PCNX2: variants seen among roughly 807,000 people sequenced by gnomAD.
The protein encoded by PCNX2 is pecanex 2, also known as pecanex-like protein 2.
Under a neutral mutation model 223.8 loss-of-function variants are expected in PCNX2, and 168 were observed. That is an observed-to-expected ratio of 0.75 (90% CI 0.66 to 0.85). The LOEUF (loss-of-function observed/expected upper bound fraction) is 0.85, where lower values mean the gene tolerates loss of function less well. Among genes scored for constraint, PCNX2 ranks in the 40% least tolerant of loss-of-function variants. The pLI is 0.00. For missense variants in PCNX2, 2,507 were observed against 2,675.5 expected (o/e 0.94, Z 1.39); for synonymous variants, 1,006 against 1,052.6 (o/e 0.96, Z 0.86).
At chr1:233,262,807 T>C (rs1048707775) in intron 2 of PCNX2, 151 bp downstream of exon 2, 4 of 729,408 alleles carry the variant, frequency 5.5e-6, no homozygotes, top group Non-Finnish European at 6.6e-6. Flanking sequence ...TGAATATCAA[T>C]TTTATGCTTA....
intron 9 of PCNX2, among the ~76,000 whole-genome samples, chr1:233,235,985 T>TATATATATATATAA (rs1265599637): frequency 1.4e-5 from 2 of 143,630 alleles, no homozygotes; most frequent in African/African-American, 5.1e-5. Context: ...TATATATATA[T>TATATATATATATAA]AATTATATTA....
chr1:233,097,518 G>C (rs892176224), intron 21 of PCNX2, among the ~76,000 whole-genome samples: 3 of 152,092 alleles, frequency 2.0e-5, no homozygotes, highest in Non-Finnish European at 4.4e-5. Flanking sequence ...GATTGATCTC[G>C]ATTGGTTTCC....
intron 23 of PCNX2, among the ~76,000 whole-genome samples, chr1:233,075,770 G>A (rs930266246): frequency 6.7e-6 from 1 of 150,034 alleles, no homozygotes; most frequent in African/African-American, 2.5e-5. Flanking sequence ...GCAAATAGCA[G>A]GCCTGAACAT....
intron 10 of PCNX2, among the ~76,000 whole-genome samples, chr1:233,220,190 G>T (rs1657281038): frequency 1.3e-5 from 2 of 152,098 alleles, no homozygotes; most frequent in South Asian, 4.1e-4. Flanking sequence ...CCTTTTGATG[G>T]ATATCTTGAT....
At chr1:233,170,231 G>T (rs1001715304) in intron 17 of PCNX2, among the ~76,000 whole-genome samples, 27 of 152,154 alleles carry the variant, frequency 1.8e-4, no homozygotes, top group Non-Finnish European at 1.3e-4. Flanking sequence ...TTAAACTTTT[G>T]TCCAAAATGT....
At chr1:233,209,550 T>G (rs1681707553) in intron 12 of PCNX2, among the ~76,000 whole-genome samples, 1 of 152,172 alleles carries the variant, frequency 6.6e-6, no homozygotes, top group Non-Finnish European at 1.5e-5. Flanking sequence ...AGGATTAAAG[T>G]GATATGGTTT....
At chr1:233,284,210 T>C (rs766770977) in intron 1 of PCNX2, among the ~76,000 whole-genome samples, 1 of 152,156 alleles carries the variant, frequency 6.6e-6, no homozygotes, top group Non-Finnish European at 1.5e-5. Flanking sequence ...GACAATACCA[T>C]CATATGAATA....
At chr1:233,250,443 C>A in intron 8 of PCNX2, 1 of 609,264 alleles carries the variant, frequency 1.6e-6, no homozygotes, top group Non-Finnish European at 2.1e-6. Context: ...TGTTTGAGAG[C>A]TGTATCACCA....
Position 233,135,190 on chromosome 1 carries a change from G to C in PCNX2, c.3660C>G (p.His1220Gln), listed in dbSNP as rs751142402. 7.4e-6 allele frequency: 12 copies of C among 1,612,472 alleles called. No individual in the cohort carries two copies. Among genetic ancestry groups the C allele is most frequent in the Non-Finnish European group, 1.0e-5 (12 of 1,179,290 alleles). Residue 1220 changes from histidine (H) to glutamine (Q), a missense_variant and splice_region_variant, in exon 21 of 34, where the codon CAC becomes CAG. Transcript: ENST00000258229. ...CAATGATCATCAGAAAAATGTCCCA[G>C]CTGTTGGAAACAAAAGAAAAGATGC... ...LISNHRRLGTHWDIFLMIIAG... is the reference protein window; with the variant it reads ...LISNHRRLGTQWDIFLMIIAG...
At chr1:233,274,048 AC>A (rs1235307064) in intron 1 of PCNX2, among the ~76,000 whole-genome samples, 1 of 152,220 alleles carries the variant, frequency 6.6e-6, no homozygotes, top group Non-Finnish European at 1.5e-5. Flanking sequence ...ATTGAGATAA[AC>A]CCAGAAATGG....
intron 12 of PCNX2, among the ~76,000 whole-genome samples, chr1:233,217,064 T>C (rs1656991094): frequency 6.6e-6 from 1 of 152,044 alleles, no homozygotes; most frequent in Non-Finnish European, 1.5e-5. Context: ...GGCAGTGGGA[T>C]GGGGAATGAG....
At position 233,295,536 on chromosome 1, in the gene PCNX2, A is replaced by T; in HGVS notation, c.-58T>A. On this transcript the variant is annotated 5_prime_UTR_variant, in exon 1 of 34. Coordinates refer to ENST00000258229, the MANE Select transcript of PCNX2 (RefSeq NM_014801.4). The surrounding 1 kb of genome is among the most constrained non-coding windows in gnomAD (Gnocchi z 4.1). The stretch of plus-strand genomic sequence containing the variant: ...GCTGCACCCTGCGCGCCCCGGCCGG[A>T]TCTCCAGGCTCCCTCAGGTCTAACA... 1 of 1,457,708 alleles carries T rather than the reference A, an allele frequency of 6.9e-7. No individual in the cohort carries two copies. Among genetic ancestry groups the T allele is most frequent in the East Asian group, 2.8e-5 (1 of 35,794 alleles). The allele number at this position is 1,457,708 out of a possible 1,614,324, so 90.3% of individuals were successfully genotyped here.
At chr1:233,255,488 T>C (rs1659687143) in intron 5 of PCNX2, among the ~76,000 whole-genome samples, 1 of 152,348 alleles carries the variant, frequency 6.6e-6, no homozygotes, top group Middle Eastern at 3.4e-3. Context: ...AAATAGACTT[T>C]GCTTGTTCTC....
At chr1:233,299,820 CT>C (rs1662231706), upstream of PCNX2, among the ~76,000 whole-genome samples, 1 of 152,172 alleles carries the variant, frequency 6.6e-6, no homozygotes, top group Non-Finnish European at 1.5e-5. Context: ...ATGTAGTTAC[CT>C]ATAATACAGA....
Position 233,016,968 on chromosome 1 carries a change from T to G in PCNX2, c.4792A>C (p.Asn1598His), listed in dbSNP as rs766206998. ...TGTTGAATCCATTCTAGATAAACAT[T>G]GCAGAAGCTAGCTCGTGTGATCCCC... The part of the protein sequence containing the change: ...LQGITRASFC[N>H]VYLEWIQHCA... Residue 1598 changes from asparagine (N) to histidine (H), a missense_variant, in exon 27 of 34, where the codon AAT (asparagine) becomes CAT (histidine). Physicochemically the swap from Asn to His is moderately conservative, Grantham distance 68 (BLOSUM62 1). This residue lies in a region of PCNX2 where 1,372 missense variants were observed against 1,509.4 expected (regional missense o/e 0.91). Coordinates refer to ENST00000258229, the MANE Select transcript of PCNX2 (RefSeq NM_014801.4). The G allele has an allele frequency of 9.3e-6, 15 of 1,613,632 alleles. No individual in the cohort carries two copies. The highest frequency in any genetic ancestry group is 1.6e-4 in the Middle Eastern group (1 of 6,062).
At chr1:233,281,201 C>T (rs1291782945) in intron 1 of PCNX2, among the ~76,000 whole-genome samples, 1 of 152,182 alleles carries the variant, frequency 6.6e-6, no homozygotes, top group African/African-American at 2.4e-5. Context: ...AGGGACATTT[C>T]TTATATTCAG....
upstream of PCNX2, among the ~76,000 whole-genome samples, chr1:233,296,650 C>T (rs1662142958): frequency 6.6e-6 from 1 of 152,142 alleles, no homozygotes. Context: ...TGAGCTAGAG[C>T]CTTAGGGAGA....
intron 15 of PCNX2, among the ~76,000 whole-genome samples, chr1:233,187,120 C>T (rs1680140439): frequency 6.6e-6 from 1 of 152,224 alleles, no homozygotes; most frequent in African/African-American, 2.4e-5. Context: ...ACAGCAACAG[C>T]TCCCATGCAT....
chr1:233,111,082 G>C (rs1406093994), intron 21 of PCNX2, among the ~76,000 whole-genome samples: 2 of 152,258 alleles, frequency 1.3e-5, no homozygotes, highest in East Asian at 3.9e-4. Context: ...TCTCCTTCTA[G>C]AGACTCTTAA....
Sources: allele counts gnomAD v4.1 joint callset (sites outside exome capture counted in the v4.1 genomes callset), GRCh38; gene constraint gnomAD v4.1.1; regional missense constraint gnomAD v4.1.1; non-coding constraint Gnocchi (gnomAD v3.1); transcripts MANE v1.5; gene names NCBI Gene and HGNC (gene_info 2026-07-23, HGNC 2026-07-21).